Variants in PLXDC2 observed in about 807,000 individuals in gnomAD.
PLXDC2 encodes the protein plexin domain-containing protein 2.
A neutral mutation model predicts 68.9 loss-of-function variants in PLXDC2; 40 were observed. The ratio of observed to expected loss-of-function variants is 0.58; its 90% CI spans 0.45 to 0.76. The LOEUF (loss-of-function observed/expected upper bound fraction) is 0.76, where lower values mean the gene tolerates loss of function less well. Among genes scored for constraint, PLXDC2 ranks in the 30% least tolerant of loss-of-function variants. The pLI, the probability that PLXDC2 is intolerant of heterozygous loss-of-function variation, is 0.00. For synonymous variants in PLXDC2, 243 were observed against 234.2 expected (o/e 1.04, Z -0.34); for missense variants, 644 against 661.9 (o/e 0.97, Z 0.30).
intron 1 of PLXDC2, among the ~76,000 whole-genome samples, chr10:19,929,706 G>A (rs777755747): frequency 2.6e-5 from 4 of 152,114 alleles, no homozygotes; most frequent in Non-Finnish European, 5.9e-5. Flanking sequence ...ATAAAACAAA[G>A]CTGCGTTTCC....
chr10:20,131,135 T>G (rs2131776155), intron 4 of PLXDC2, among the ~76,000 whole-genome samples: 1 of 151,370 alleles, frequency 6.6e-6, no homozygotes, highest in East Asian at 2.0e-4. Context: ...TTGGAGGTTT[T>G]TGATTACTGA....
In PLXDC2 at chr10:20,285,886, G is replaced by T. The variant is rs780265615; in HGVS notation, c.*6067G>T. ...GTCTATAATTTCCTGTTCTACCATT[G>T]TCATATCATAACATGGTATTACTTC... On this transcript the variant is annotated 3_prime_UTR_variant, in exon 14 of 14. Coordinates refer to ENST00000377252, the MANE Select transcript of PLXDC2 (RefSeq NM_032812.9). The T allele has an allele frequency of 6.6e-6, 1 of 152,220 alleles. No homozygotes were observed. Among genetic ancestry groups the T allele is most frequent in the African/African-American group, 2.4e-5 (1 of 41,534 alleles). The allele number at this position is 152,220 out of a possible 1,614,324, so 9.4% of individuals were successfully genotyped here.
At chr10:20,233,845 T>C (rs1189058557) in intron 12 of PLXDC2, among the ~76,000 whole-genome samples, 4 of 152,244 alleles carry the variant, frequency 2.6e-5, no homozygotes, top group Admixed American at 6.5e-5. Flanking sequence ...GAGGCAGGCA[T>C]GGTCTAACTC....
intron 1 of PLXDC2, among the ~76,000 whole-genome samples, chr10:19,828,992 C>G (rs139640029): frequency 2.0e-3 from 298 of 152,240 alleles, no homozygotes; most frequent in African/African-American, 6.6e-3. Context: ...GTTGGAACCA[C>G]TCCTGTGCCT....
intron 1 of PLXDC2, among the ~76,000 whole-genome samples, chr10:19,900,446 G>C (rs1282062756): frequency 1.3e-5 from 2 of 151,938 alleles, no homozygotes; most frequent in African/African-American, 4.8e-5. Flanking sequence ...TCTTTAAAAG[G>C]AACAAAATTT....
chr10:20,052,768 A>T (rs904364267), intron 3 of PLXDC2, among the ~76,000 whole-genome samples: 1 of 151,320 alleles, frequency 6.6e-6, no homozygotes, highest in Admixed American at 6.6e-5. Flanking sequence ...GAAAAGAAAG[A>T]TTTAGCTAGG....
At chr10:20,086,111 A>T (rs1027083350) in intron 4 of PLXDC2, among the ~76,000 whole-genome samples, 2 of 152,006 alleles carry the variant, frequency 1.3e-5, no homozygotes, top group African/African-American at 4.8e-5. Context: ...TTCTTTGGGG[A>T]CACATACTTG....
chr10:20,099,576 T>C (rs1272357436), intron 4 of PLXDC2, among the ~76,000 whole-genome samples: 1 of 152,188 alleles, frequency 6.6e-6, no homozygotes, highest in Non-Finnish European at 1.5e-5. Context: ...GGGGTTTCTT[T>C]GCTCAGCAAG....
chr10:19,933,397 A>G (rs923842008), intron 1 of PLXDC2, among the ~76,000 whole-genome samples: 10 of 152,226 alleles, frequency 6.6e-5, no homozygotes, highest in South Asian at 2.1e-4. Flanking sequence ...GCACGTTGGG[A>G]GGCTGAGGTG....
intron 1 of PLXDC2, among the ~76,000 whole-genome samples, chr10:19,842,991 A>C (rs1228514648): frequency 6.6e-6 from 1 of 152,190 alleles, no homozygotes; most frequent in Non-Finnish European, 1.5e-5. Flanking sequence ...ACATAGCTTC[A>C]ATTTAAAAAT....
At chr10:20,248,968 A>G (rs1034455743) in intron 13 of PLXDC2, among the ~76,000 whole-genome samples, 6 of 152,240 alleles carry the variant, frequency 3.9e-5, no homozygotes, top group Non-Finnish European at 7.3e-5. Flanking sequence ...AAAAGGAAGA[A>G]GAAACGCCAT....
At chr10:19,986,496 T>C (rs2131624086) in intron 1 of PLXDC2, among the ~76,000 whole-genome samples, 1 of 150,984 alleles carries the variant, frequency 6.6e-6, no homozygotes, top group East Asian at 2.0e-4. Flanking sequence ...AACAAAGCAT[T>C]CTCTCAGCAT....
At chr10:19,845,619 C>T (rs1836994085) in intron 1 of PLXDC2, among the ~76,000 whole-genome samples, 1 of 152,154 alleles carries the variant, frequency 6.6e-6, no homozygotes, top group Non-Finnish European at 1.5e-5. Context: ...AAGAAAACAG[C>T]TTTATGAAAG....
At chr10:20,120,446 C>T (rs1833681122) in intron 4 of PLXDC2, among the ~76,000 whole-genome samples, 1 of 152,142 alleles carries the variant, frequency 6.6e-6, no homozygotes. Context: ...TCACTGAATA[C>T]TAAGAGCCTG....
chr10:19,891,994 T>C (rs1433986852), intron 1 of PLXDC2, among the ~76,000 whole-genome samples: 2 of 152,318 alleles, frequency 1.3e-5, no homozygotes, highest in East Asian at 1.9e-4. Context: ...AAAGAACTTA[T>C]GCAAAGAGAC....
chr10:20,110,742 C>G (rs1232878847), intron 4 of PLXDC2, among the ~76,000 whole-genome samples: 1 of 152,170 alleles, frequency 6.6e-6, no homozygotes, highest in African/African-American at 2.4e-5. Flanking sequence ...CTCTCCTAAC[C>G]CTTGCTCTCT....
At chr10:19,840,384 A>G (rs938952318) in intron 1 of PLXDC2, among the ~76,000 whole-genome samples, 2 of 152,186 alleles carry the variant, frequency 1.3e-5, no homozygotes, top group Admixed American at 6.6e-5. Flanking sequence ...TATCTGGTCC[A>G]ATCTCTTCAT....
chr10:19,828,403 A>G (rs946270541), intron 1 of PLXDC2, among the ~76,000 whole-genome samples: 6 of 152,226 alleles, frequency 3.9e-5, no homozygotes, highest in African/African-American at 1.4e-4. Context: ...GGAGAGGGGT[A>G]CAATTTTGTT....
At chr10:20,032,908 G>A (rs368312786) in intron 2 of PLXDC2, among the ~76,000 whole-genome samples, 4 of 151,178 alleles carry the variant, frequency 2.6e-5, no homozygotes, top group African/African-American at 9.7e-5. Flanking sequence ...TTGTAAATAC[G>A]TGATTAATCA....
Sources: gnomAD v4.1 joint callset for allele counts (sites outside exome capture counted in the v4.1 genomes callset) on GRCh38, gnomAD v4.1.1 for gene constraint, MANE v1.5 for transcripts, NCBI Gene and HGNC (gene_info 2026-07-23, HGNC 2026-07-21) for gene names.